Variants in TCOF1 observed in about 807,000 individuals in gnomAD.
TCOF1 encodes treacle ribosome biogenesis factor 1, also known as treacle protein.
In TCOF1, 33 loss-of-function variants were observed where a neutral mutation model predicts 149.0. That is an observed-to-expected ratio of 0.22 (90% confidence interval 0.17 to 0.30). The LOEUF is 0.30. Among genes scored for constraint, TCOF1 ranks in the 10% least tolerant of loss-of-function variants. The probability of loss-of-function intolerance (pLI) is 1.00; values close to 1 mark genes in which losing one functional copy is unlikely to be tolerated. For synonymous variants in TCOF1, 789 were observed against 738.8 expected, an observed-to-expected ratio of 1.07 and a Z score of -1.10; for missense variants, 1,728 against 1,840.7, an observed-to-expected ratio of 0.94 and a Z score of 1.12.
chr5:150,390,811 C>G (rs1175140383), intron 19 of TCOF1, among the ~76,000 whole-genome samples: 1 of 152,140 alleles, frequency 6.6e-6, no homozygotes, highest in East Asian at 1.9e-4. Context: ...CCTGCCAGGC[C>G]CTAGGGATAC....
chr5:150,397,212 T>C (rs1471585955), intron 24 of TCOF1, among the ~76,000 whole-genome samples: 1 of 149,478 alleles, frequency 6.7e-6, no homozygotes, highest in Non-Finnish European at 1.5e-5. Flanking sequence ...CAGGGGCAGC[T>C]TGTGGCAAAG....
chr5:150,379,862 A>G (rs1002869483), intron 17 of TCOF1, 130 bp downstream of exon 17: 3 of 1,152,514 alleles, frequency 2.6e-6, no homozygotes, highest in Admixed American at 2.0e-5. Context: ...ACTTGAGGTC[A>G]GGGGTTCAAG....
intron 2 of TCOF1, among the ~76,000 whole-genome samples, chr5:150,363,806 C>T (rs1041450775): frequency 1.3e-5 from 2 of 152,084 alleles, no homozygotes; most frequent in African/African-American, 4.8e-5. Context: ...AGAGCCTGGG[C>T]GGTTCTGTGA....
intron 22 of TCOF1, 70 bp downstream of exon 22, chr5:150,392,860 C>A: frequency 6.4e-7 from 1 of 1,554,086 alleles, no homozygotes; most frequent in Non-Finnish European, 8.8e-7. Flanking sequence ...CTCCTGTCTA[C>A]CCGATCCCTC....
At chr5:150,364,375 G>A (rs550120693) in intron 3 of TCOF1, 123 bp downstream of exon 3, 120 of 1,398,438 alleles carry the variant, frequency 8.6e-5, no homozygotes, top group South Asian at 5.9e-4. Flanking sequence ...AGATTGGGAG[G>A]GCACCACATA....
At chr5:150,360,732 CTTTTTTTTTTT>C (rs869238792) in intron 1 of TCOF1, among the ~76,000 whole-genome samples, 5 of 127,406 alleles carry the variant, frequency 3.9e-5, no homozygotes, top group African/African-American at 1.5e-4. Flanking sequence ...AAAAGACCCT[CTTTTTTTTTTT>C]TTTTTTTTTT....
intron 17 of TCOF1, among the ~76,000 whole-genome samples, chr5:150,387,687 C>G (rs754155427): frequency 1.3e-5 from 2 of 152,118 alleles, no homozygotes; most frequent in South Asian, 4.1e-4. Flanking sequence ...CTGTGAGGGT[C>G]AGGTGGGCTC....
chr5:150,372,958 C>T lies in TCOF1; in HGVS notation c.870+722C>T, dbSNP rs115127835. Among the ~76,000 whole-genome samples, 384 of 152,280 alleles carry T rather than the reference C, an allele frequency of 2.5e-3. 3 individuals are homozygous for T. The highest frequency in any genetic ancestry group is 9.0e-3 in the African/African-American group (373 of 41,538). ...AGGCCCTGAGGTAGAAGTAGGACTA[C>T]GAATTGTGACAAATTGTTGTTCCCA... On this transcript the variant is annotated intron_variant, in intron 7 of 26. Coordinates refer to ENST00000643257, the MANE Select transcript of TCOF1 (RefSeq NM_001371623.1).
At chr5:150,366,345 T>A (rs578018658) in intron 3 of TCOF1, among the ~76,000 whole-genome samples, 166 of 152,218 alleles carry the variant, frequency 1.1e-3, no homozygotes, top group African/African-American at 3.9e-3. Context: ...AGCAAGACCC[T>A]GTCTCAAAAA....
intron 17 of TCOF1, chr5:150,380,070 C>CAA (rs1224924833): frequency 1.4e-3 from 142 of 98,464 alleles, no homozygotes; most frequent in South Asian, 2.7e-3. Context: ...GAGACTGTCT[C>CAA]AAAAAAAAAA....
intron 17 of TCOF1, chr5:150,383,123 A>G (rs1176581370): frequency 6.5e-7 from 1 of 1,536,066 alleles, no homozygotes; most frequent in Non-Finnish European, 8.7e-7. Context: ...CCAGAGAGGA[A>G]CACGGAGGGG....
Position 150,396,533 on chromosome 5 carries a change from C to T in TCOF1, c.4036C>T (p.Arg1346Cys), listed in dbSNP as rs781234452. The change falls in exon 24 of 27, where the codon CGC becomes TGC. Residue 1346 changes from arginine to cysteine, a missense_variant. Around this residue, in one of 2 missense-constraint regions of TCOF1, gnomAD observed 1,696 missense variants for 1,765.4 expected, o/e 0.96. Transcript: ENST00000643257. Reference sequence around the variant, plus strand: ...GAGCAGCAGGAAGGGCTGGGAGAGCCGCAAGCGGAAGCTATCGGGAGACCA... The same window carrying T: ...GAGCAGCAGGAAGGGCTGGGAGAGCTGCAAGCGGAAGCTATCGGGAGACCA... ...KESSRKGWESRKRKLSGDQPA... is the reference protein window; with the variant it reads ...KESSRKGWESCKRKLSGDQPA... 1.6e-5 allele frequency: 26 copies of T among 1,603,528 alleles called. No homozygotes were observed. The Admixed American group carries it at 1.9e-4, about 12-fold the overall frequency.
intron 14 of TCOF1, among the ~76,000 whole-genome samples, chr5:150,378,272 C>G (rs1332240647): frequency 1.3e-5 from 2 of 152,216 alleles, no homozygotes; most frequent in African/African-American, 4.8e-5. Context: ...GCTGTCACTC[C>G]TGTTAAGGAT....
At chr5:150,397,870 T>G (rs189990909) in intron 24 of TCOF1, among the ~76,000 whole-genome samples, 167 of 152,318 alleles carry the variant, frequency 1.1e-3, no homozygotes, top group South Asian at 2.3e-3. Flanking sequence ...TGAGCTGGCC[T>G]CCAGGGGGCA....
chr5:150,361,222 G>A lies in TCOF1; in HGVS notation c.164+11G>A, dbSNP rs746909108. 4 of 1,613,996 alleles carry A rather than the reference G, an allele frequency of 2.5e-6. No individual in the cohort carries two copies. The highest frequency in any genetic ancestry group is 2.2e-5 in the East Asian group (1 of 44,898). ...TACACACTGGCAACAGTAAGTGGTG[G>A]GGCCTATAGGGTGGAGTAGGGACGG... is the stretch of plus-strand genomic sequence containing the variant. On this transcript the variant is annotated intron_variant, in intron 2 of 26. Coordinates refer to ENST00000643257, the MANE Select transcript of TCOF1 (RefSeq NM_001371623.1).
intron 23 of TCOF1, among the ~76,000 whole-genome samples, chr5:150,395,789 G>A (rs1456261642): frequency 6.6e-6 from 1 of 152,092 alleles, no homozygotes; most frequent in Non-Finnish European, 1.5e-5. Flanking sequence ...AATCTACAAT[G>A]TATCATAGGA....
rs1474241801 is a variant in TCOF1, at chr5:150,379,414, G to C, written c.2658+6G>C. 1.9e-6 allele frequency: 3 copies of C among 1,613,898 alleles called. No individual in the cohort carries two copies. The highest frequency in any genetic ancestry group is 2.5e-6 in the Non-Finnish European group (3 of 1,179,932). On this transcript the variant is annotated splice_donor_region_variant and intron_variant, in intron 16 of 26. Coordinates refer to ENST00000643257, the MANE Select transcript of TCOF1 (RefSeq NM_001371623.1). ...AGGCGGAGACGCTGGCTCAGGTGAG[G>C]GGGAGGGAATGGAGATCATCCCCTA...
intron 2 of TCOF1, 107 bp downstream of exon 2, chr5:150,361,318 CTG>C: frequency 7.6e-7 from 1 of 1,316,702 alleles, no homozygotes; most frequent in Non-Finnish European, 1.1e-6. Context: ...CCATAGCCCA[CTG>C]TGGACACCAT....
At chr5:150,374,477 G>A (rs1001756215) in intron 8 of TCOF1, 91 bp downstream of exon 8, 59 of 1,550,648 alleles carry the variant, frequency 3.8e-5, no homozygotes, top group East Asian at 4.8e-5. Flanking sequence ...CCAGAGCCCC[G>A]GGCGTGCCTC....
Sources: gnomAD v4.1 joint callset for allele counts (sites outside exome capture counted in the v4.1 genomes callset) on GRCh38, gnomAD v4.1.1 for gene constraint, gnomAD v4.1.1 regional missense constraint, MANE v1.5 for transcripts, NCBI Gene and HGNC (gene_info 2026-07-23, HGNC 2026-07-21) for gene names.